MAG: variants seen among roughly 807,000 people sequenced by gnomAD.
MAG encodes the protein myelin associated glycoprotein.
MAG carries 30 observed loss-of-function variants against 60.7 expected under a neutral mutation model. The ratio of observed to expected loss-of-function variants is 0.49; its 90% CI spans 0.37 to 0.67. The LOEUF (loss-of-function observed/expected upper bound fraction) is 0.67. MAG is among the 30% of genes least tolerant of loss of function. The pLI is 0.00. For missense variants in MAG, 795 were observed against 851.7 expected (o/e 0.93, Z 0.83); for synonymous variants, 384 against 376.8 (o/e 1.02, Z -0.22).
At chr19:35,302,375 T>G (rs1414383947) in intron 6 of MAG, 73 bp from the exon 7 acceptor site, 2 of 1,576,366 alleles carry the variant, frequency 1.3e-6, no homozygotes, top group East Asian at 2.3e-5. Flanking sequence ...TGGGGTCATA[T>G]CTGGGGATGG....
At chr19:35,308,288 G>C (rs2066499665) in intron 7 of MAG, among the ~76,000 whole-genome samples, 1 of 152,220 alleles carries the variant, frequency 6.6e-6, no homozygotes, top group Non-Finnish European at 1.5e-5. Flanking sequence ...CCAAGTTGAG[G>C]GAGAAACGTA....
intron 7 of MAG, among the ~76,000 whole-genome samples, chr19:35,308,448 G>C (rs2145622742): frequency 6.6e-6 from 1 of 152,292 alleles, no homozygotes; most frequent in African/African-American, 2.4e-5. Context: ...TTTGTATTTT[G>C]GGCTGGGCAC....
At position 35,311,914 on chromosome 19, in the gene MAG, G is replaced by C. The variant is rs763119940; in HGVS notation, c.1617-4G>C. ...AGAGAGGTCTGACGAGTCCTGCCCT[G>C]CAGAAAGAACGTGACAGAGAGCCCC... On this transcript the variant is annotated splice_polypyrimidine_tract_variant and splice_region_variant and intron_variant, in intron 9 of 10. Transcript: ENST00000392213. 3 of 1,610,056 alleles carry C rather than the reference G, an allele frequency of 1.9e-6. No individual in the cohort carries two copies. In the East Asian group the frequency reaches 6.7e-5, roughly 36 times the overall value.
chr19:35,298,022 C>CGCT (rs2066415547), intron 4 of MAG, among the ~76,000 whole-genome samples: 1 of 150,104 alleles, frequency 6.7e-6, no homozygotes, highest in Non-Finnish European at 1.5e-5. Context: ...ACGCACCACA[C>CGCT]ACACACCACA....
chr19:35,302,762 C>T, intron 7 of MAG, 54 bp downstream of exon 7: 1 of 1,591,128 alleles, frequency 6.3e-7, no homozygotes. Context: ...TGGGGGACAC[C>T]AGGGTTACTG....
Position 35,299,540 on chromosome 19 carries a change from C to A in MAG, c.416-14C>A. 2 of 1,559,530 alleles carry A rather than the reference C, an allele frequency of 1.3e-6. No homozygotes were observed. Among genetic ancestry groups the A allele is most frequent in the Non-Finnish European group, 1.7e-6 (2 of 1,143,788 alleles). On this transcript the variant is annotated splice_polypyrimidine_tract_variant and intron_variant, in intron 4 of 10. Coordinates refer to ENST00000392213, the MANE Select transcript of MAG (RefSeq NM_002361.4). ...TGCTGCTTTCTCAGCCCTCCCTTTC[C>A]CCGCCTCGTATAGACACCCCCAACA...
chr19:35,312,053 G>C (rs372731477), intron 10 of MAG, 36 bp downstream of exon 10: 2 of 1,583,792 alleles, frequency 1.3e-6, no homozygotes, highest in Non-Finnish European at 1.7e-6. Flanking sequence ...TGGGAACCTG[G>C]ATGCCAGGGA....
At position 35,296,788 on chromosome 19, in the gene MAG, G is replaced by A. The variant is rs2066401090; in HGVS notation, c.415+807G>A. Among the ~76,000 whole-genome samples, 6 of 151,184 alleles carry A rather than the reference G, an allele frequency of 4.0e-5. No individual in the cohort carries two copies. In the South Asian group the frequency reaches 1.3e-3, roughly 32 times the overall value. On this transcript the variant is annotated intron_variant, in intron 4 of 10. Coordinates refer to ENST00000392213, the MANE Select transcript of MAG (RefSeq NM_002361.4). The stretch of plus-strand genomic sequence containing the variant: ...CTACAGAAATCACACACTACACACT[G>A]CACACTCTACCTACACACTACCCAC...
chr19:35,297,915 CCACACAT>C (rs1381679533), intron 4 of MAG, among the ~76,000 whole-genome samples: 3 of 146,186 alleles, frequency 2.1e-5, no homozygotes, highest in Non-Finnish European at 4.5e-5. Flanking sequence ...ACTACAAAAA[CCACACAT>C]CACACACTGC....
At position 35,313,329 on chromosome 19, in the gene MAG, C is replaced by T. The variant is rs1469471557; in HGVS notation, c.1756C>T (p.Leu586Phe). ...RLGSERRLLG[L>F]RGEPPELDLS... Reference sequence around the variant, plus strand: ...GGGATCTGAGAGGAGGCTGCTGGGCCTTCGGGGTGAGCCCCCAGAGCTGGA... The same window carrying T: ...GGGATCTGAGAGGAGGCTGCTGGGCTTTCGGGGTGAGCCCCCAGAGCTGGA... The change falls in exon 11 of 11, where the codon CTT becomes TTT. Residue 586 changes from leucine to phenylalanine, a missense_variant. Coordinates refer to ENST00000392213, the MANE Select transcript of MAG (RefSeq NM_002361.4). 1.2e-6 allele frequency: 2 copies of T among 1,614,024 alleles called. No individual in the cohort carries two copies. Among genetic ancestry groups the T allele is most frequent in the South Asian group, 1.1e-5 (1 of 91,090 alleles).
At chr19:35,300,011 G>A in intron 5 of MAG, 136 bp from the exon 6 acceptor site, 1 of 826,216 alleles carries the variant, frequency 1.2e-6, no homozygotes, top group Non-Finnish European at 1.5e-6. Flanking sequence ...GACGGGGGCG[G>A]AACCAGGCAG....
chr19:35,302,066 G>T (rs900506922), intron 6 of MAG, among the ~76,000 whole-genome samples: 1 of 151,782 alleles, frequency 6.6e-6, no homozygotes, highest in East Asian at 1.9e-4. Context: ...TAATTACATC[G>T]GCTGTTTCCA....
rs549252289 is a variant in MAG at position 35,311,863 on chromosome 19, C to T, written c.1617-55C>T. On this transcript the variant is annotated intron_variant, in intron 9 of 10. Transcript: ENST00000392213. ...TCCCCTGAGCCAAACTCCTAAAACA[C>T]GTGGGGGTGCAGAAAGGGAGGGCAG... 52 of 1,291,078 alleles carry T rather than the reference C, an allele frequency of 4.0e-5. No individual in the cohort carries two copies. The African/African-American group carries it at 5.7e-4, about 14-fold the overall frequency. 80.0% of individuals were successfully genotyped at this position (1,291,078 alleles called of 1,614,324 possible).
At chr19:35,299,964 A>G in intron 5 of MAG, 114 bp downstream of exon 5, 1 of 644,666 alleles carries the variant, frequency 1.6e-6, no homozygotes, top group Non-Finnish European at 2.0e-6. Context: ...GGGCGGGGCC[A>G]TGCCCAGGGC....
At chr19:35,297,821 CACA>C (rs1287066299) in intron 4 of MAG, among the ~76,000 whole-genome samples, 2 of 150,902 alleles carry the variant, frequency 1.3e-5, no homozygotes, top group African/African-American at 4.9e-5. Flanking sequence ...ACACCCCACA[CACA>C]ACAAACATGC....
At position 35,295,986 on chromosome 19, in the gene MAG, GT is replaced by G. The variant is rs1385776323; in HGVS notation, c.415+6del. 6.4e-7 allele frequency: 1 copy of G among 1,556,560 alleles called. No individual in the cohort carries two copies. The highest frequency in any genetic ancestry group is 1.2e-5 in the South Asian group (1 of 82,516). On this transcript the variant is annotated splice_donor_region_variant and intron_variant, in intron 4 of 10. Coordinates refer to ENST00000392213, the MANE Select transcript of MAG (RefSeq NM_002361.4). This position sits in a 1 kb window ranked among gnomAD's most constrained non-coding sequence, Gnocchi z 5.8. Reference sequence around the variant, plus strand: ...ACAGCGTCCTGGATATCGTCAGTGAGTCCCCAGCGGTTGTGCAGGCACCGGG... The same window carrying G: ...ACAGCGTCCTGGATATCGTCAGTGAGCCCCAGCGGTTGTGCAGGCACCGGG...
Position 35,293,609 on chromosome 19 carries a change from C to A in MAG, c.-79-626C>A, listed in dbSNP as rs2066373736. ...AATTGCTTGGAAACCCTGGCTGCAA[C>A]CCCAAGGCAACCCATGGAGCAGCAG... On this transcript the variant is annotated intron_variant, in intron 1 of 10. Coordinates refer to ENST00000392213, the MANE Select transcript of MAG (RefSeq NM_002361.4). The surrounding 1 kb of genome is among the most constrained non-coding windows in gnomAD (Gnocchi z 4.0). Among the ~76,000 whole-genome samples, 1 of 152,102 alleles carries A rather than the reference C, an allele frequency of 6.6e-6. No individual in the cohort carries two copies. Among genetic ancestry groups the A allele is most frequent in the Non-Finnish European group, 1.5e-5 (1 of 67,998 alleles).
At chr19:35,303,729 AAAC>A (rs2066464893) in intron 7 of MAG, among the ~76,000 whole-genome samples, 2 of 152,118 alleles carry the variant, frequency 1.3e-5, no homozygotes, top group South Asian at 4.1e-4. Flanking sequence ...CTTGGAAATG[AAAC>A]TCACCATTGC....
At chr19:35,312,196 C>T in intron 10 of MAG, 179 bp downstream of exon 10, 1 of 1,373,316 alleles carries the variant, frequency 7.3e-7, no homozygotes, top group Non-Finnish European at 1.0e-6. Context: ...CAGGCCGAAG[C>T]TGTGTAGGGG....
Sources: gnomAD v4.1 joint callset for allele counts (sites outside exome capture counted in the v4.1 genomes callset) on GRCh38, gnomAD v4.1.1 for gene constraint, Gnocchi (gnomAD v3.1) non-coding constraint, MANE v1.5 for transcripts, NCBI Gene and HGNC (gene_info 2026-07-23, HGNC 2026-07-21) for gene names.